Variants in ARHGAP10 observed in about 807,000 individuals in gnomAD.
ARHGAP10 encodes rho GTPase-activating protein 10.
Under a neutral mutation model 108.6 loss-of-function variants are expected in ARHGAP10, and 87 were observed. The observed-to-expected ratio is 0.80, with a 90% CI of 0.67 to 0.96. ARHGAP10 has a LOEUF of 0.96. Ranked by LOEUF, ARHGAP10 falls within the 40% of genes least tolerant of loss-of-function variation. The probability of loss-of-function intolerance (pLI) is 0.00; values close to 1 mark genes in which losing one functional copy is unlikely to be tolerated. For synonymous variants in ARHGAP10, 347 were observed against 341.1 expected (o/e 1.02, Z -0.19); for missense variants, 939 against 954.5 (o/e 0.98, Z 0.21).
In ARHGAP10 at chr4:148,072,160, G is replaced by A; in HGVS notation, c.*79G>A. 1 of 1,323,544 alleles carries A rather than the reference G, an allele frequency of 7.6e-7. No individual in the cohort carries two copies. Among genetic ancestry groups the A allele is most frequent in the Non-Finnish European group, 1.0e-6 (1 of 953,276 alleles). 82.0% of individuals were successfully genotyped at this position (1,323,544 alleles called of 1,614,324 possible). A position where few individuals can be genotyped will look rare whatever the true frequency, so the allele number is the denominator to read the frequency against. On this transcript the variant is annotated 3_prime_UTR_variant, in exon 23 of 23. Coordinates refer to ENST00000336498, the MANE Select transcript of ARHGAP10 (RefSeq NM_024605.4). Reference sequence around the variant, plus strand: ...CAGAGAGCTGTCTTCCTCCTCCGAGGCTCTGGGCTGCACCCACAGGTACCT... The same window carrying A: ...CAGAGAGCTGTCTTCCTCCTCCGAGACTCTGGGCTGCACCCACAGGTACCT...
At chr4:148,008,257 C>T (rs747314361) in intron 18 of ARHGAP10, among the ~76,000 whole-genome samples, 2 of 152,062 alleles carry the variant, frequency 1.3e-5, no homozygotes, top group African/African-American at 2.4e-5. Flanking sequence ...ATCTTGGATG[C>T]ACTTCTTGCT....
intron 20 of ARHGAP10, among the ~76,000 whole-genome samples, chr4:148,049,982 C>T (rs1477576045): frequency 6.6e-6 from 1 of 152,002 alleles, no homozygotes; most frequent in Non-Finnish European, 1.5e-5. Flanking sequence ...ATTCTGGTGC[C>T]TCAACCTCCC....
rs115994729 is a variant in ARHGAP10 at position 147,855,142 on chromosome 4, A to G, written c.385-2411A>G. On this transcript the variant is annotated intron_variant, in intron 4 of 22. Coordinates refer to ENST00000336498, the MANE Select transcript of ARHGAP10 (RefSeq NM_024605.4). Reference sequence around the variant, plus strand: ...CTTGCTTTGCAGCAGTCTTGTGGGCAAATGCAGGGGCCTGACTTCCATTTG... The same window carrying G: ...CTTGCTTTGCAGCAGTCTTGTGGGCGAATGCAGGGGCCTGACTTCCATTTG... Among the ~76,000 whole-genome samples the G allele has an allele frequency of 2.3e-3, 357 of 152,358 alleles. 2 individuals are homozygous for G. The highest frequency in any genetic ancestry group is 6.8e-3 in the Middle Eastern group (2 of 294).
intron 10 of ARHGAP10, among the ~76,000 whole-genome samples, chr4:147,906,141 T>G (rs1297126306): frequency 6.6e-6 from 1 of 152,208 alleles, no homozygotes; most frequent in South Asian, 2.1e-4. Flanking sequence ...CATTTGTATA[T>G]TCATATGTAT....
At chr4:148,001,013 C>T (rs1239183107) in intron 18 of ARHGAP10, among the ~76,000 whole-genome samples, 1 of 152,182 alleles carries the variant, frequency 6.6e-6, no homozygotes, top group Non-Finnish European at 1.5e-5. Context: ...TGCCTATGTC[C>T]TGAATGGTAT....
At chr4:147,977,204 T>C (rs1326218778) in intron 18 of ARHGAP10, among the ~76,000 whole-genome samples, 1 of 152,182 alleles carries the variant, frequency 6.6e-6, no homozygotes, top group African/African-American at 2.4e-5. Flanking sequence ...TATTCTTCAT[T>C]GCATTTTTAG....
chr4:148,068,813 G>C (rs1730019992), intron 22 of ARHGAP10, among the ~76,000 whole-genome samples: 2 of 152,152 alleles, frequency 1.3e-5, no homozygotes, highest in Admixed American at 6.5e-5. Flanking sequence ...TTCAGTACTT[G>C]TCACATACAC....
At chr4:147,893,033 A>G (rs971290705) in intron 10 of ARHGAP10, among the ~76,000 whole-genome samples, 2 of 152,092 alleles carry the variant, frequency 1.3e-5, no homozygotes, top group Non-Finnish European at 2.9e-5. Flanking sequence ...AGAGACCCCT[A>G]CAAATACTTG....
chr4:147,954,024 G>C (rs755560483), intron 15 of ARHGAP10, among the ~76,000 whole-genome samples: 8 of 151,850 alleles, frequency 5.3e-5, no homozygotes, highest in Non-Finnish European at 1.0e-4. Context: ...TTCTGTTATT[G>C]ATTTTTAATT....
At chr4:147,811,620 G>C (rs1732024247) in intron 1 of ARHGAP10, among the ~76,000 whole-genome samples, 1 of 151,508 alleles carries the variant, frequency 6.6e-6, no homozygotes, top group African/African-American at 2.4e-5. Context: ...CAAAACACTG[G>C]TTAAGGTTTT....
intron 18 of ARHGAP10, among the ~76,000 whole-genome samples, chr4:147,992,190 GCTTT>G (rs1341808488): frequency 6.6e-6 from 1 of 152,128 alleles, no homozygotes; most frequent in African/African-American, 2.4e-5. Flanking sequence ...AGCTCTGTGA[GCTTT>G]CTTTCTCCTT....
intron 13 of ARHGAP10, among the ~76,000 whole-genome samples, chr4:147,934,385 C>T (rs772746079): frequency 6.6e-6 from 1 of 152,128 alleles, no homozygotes; most frequent in Non-Finnish European, 1.5e-5. Flanking sequence ...CCTGAGATTC[C>T]CACAGAGAGA....
intron 3 of ARHGAP10, among the ~76,000 whole-genome samples, chr4:147,846,684 G>A (rs1034976416): frequency 6.6e-6 from 1 of 152,136 alleles, no homozygotes; most frequent in African/African-American, 2.4e-5. Context: ...TCCTTAGGAG[G>A]TTTCTGTAAT....
intron 1 of ARHGAP10, among the ~76,000 whole-genome samples, chr4:147,758,209 G>C (rs1341919129): frequency 6.6e-6 from 1 of 150,846 alleles, no homozygotes; most frequent in Non-Finnish European, 1.5e-5. Context: ...GTTGTGGTGA[G>C]CCAAGATTGC....
At chr4:147,864,391 C>CTGGG (rs1734457983) in intron 5 of ARHGAP10, 1 of 155,248 alleles carries the variant, frequency 6.4e-6, no homozygotes, top group South Asian at 2.0e-4. Flanking sequence ...CGCTGAGGTG[C>CTGGG]TGGGCCCTTT....
At chr4:147,820,580 GTTTTTTTTTTT>G (rs57534364) in intron 1 of ARHGAP10, among the ~76,000 whole-genome samples, 8 of 49,030 alleles carry the variant, frequency 1.6e-4, no homozygotes, top group South Asian at 2.2e-3. Flanking sequence ...ACCTCGGCCA[GTTTTTTTTTTT>G]TTTTTTTTTT....
intron 11 of ARHGAP10, among the ~76,000 whole-genome samples, chr4:147,907,352 G>A (rs1345414601): frequency 6.6e-6 from 1 of 152,122 alleles, no homozygotes; most frequent in Non-Finnish European, 1.5e-5. Flanking sequence ...ATCATGTATT[G>A]GGGATTTAGT....
At chr4:148,009,251 C>A (rs1741078124) in intron 18 of ARHGAP10, among the ~76,000 whole-genome samples, 1 of 151,996 alleles carries the variant, frequency 6.6e-6, no homozygotes, top group Non-Finnish European at 1.5e-5. Context: ...CCTGCCTCAG[C>A]CTCCCATGTA....
chr4:147,968,533 A>T (rs1365005350), intron 18 of ARHGAP10, among the ~76,000 whole-genome samples: 1 of 152,214 alleles, frequency 6.6e-6, no homozygotes, highest in Non-Finnish European at 1.5e-5. Flanking sequence ...TGCATTCCTG[A>T]ATCTGTGGAC....
Sources: gnomAD v4.1 joint callset for allele counts (sites outside exome capture counted in the v4.1 genomes callset) on GRCh38, gnomAD v4.1.1 for gene constraint, MANE v1.5 for transcripts, NCBI Gene and HGNC (gene_info 2026-07-23, HGNC 2026-07-21) for gene names.